Variants in NUBPL observed in about 807,000 individuals in gnomAD.
NUBPL encodes the protein NUBP iron-sulfur cluster assembly factor, mitochondrial, also known as iron-sulfur cluster transfer protein NUBPL.
Under a neutral mutation model 45.7 loss-of-function variants are expected in NUBPL, and 31 were observed. The observed-to-expected ratio is 0.68, with a 90% CI of 0.51 to 0.92. The LOEUF (loss-of-function observed/expected upper bound fraction) is 0.92. Among genes scored for constraint, NUBPL ranks in the 40% least tolerant of loss-of-function variants. The probability of loss-of-function intolerance (pLI) is 0.00; values close to 1 mark genes in which losing one functional copy is unlikely to be tolerated. For synonymous variants in NUBPL, 144 were observed against 140.9 expected (o/e 1.02, Z -0.15); for missense variants, 401 against 398.7 (o/e 1.01, Z -0.05).
chr14:31,810,505 G>T (rs1189787150), intron 7 of NUBPL, among the ~76,000 whole-genome samples: 1 of 152,092 alleles, frequency 6.6e-6, no homozygotes, highest in South Asian at 2.1e-4. Context: ...TTGAGCCTAT[G>T]TATGTCTCTG....
intron 6 of NUBPL, among the ~76,000 whole-genome samples, chr14:31,718,683 T>TA (rs1310189420): frequency 3.3e-5 from 5 of 152,214 alleles, no homozygotes; most frequent in Non-Finnish European, 1.5e-5. Context: ...CACAGTCATA[T>TA]ACCTTTGTGT....
intron 6 of NUBPL, among the ~76,000 whole-genome samples, chr14:31,711,793 G>A (rs966288920): frequency 2.6e-5 from 4 of 152,070 alleles, no homozygotes; most frequent in Admixed American, 6.6e-5. Flanking sequence ...CATTCCTTCC[G>A]GTGGGTTCAT....
intron 4 of NUBPL, among the ~76,000 whole-genome samples, chr14:31,637,553 A>T (rs531754760): frequency 6.6e-6 from 1 of 152,274 alleles, no homozygotes; most frequent in South Asian, 2.1e-4. Flanking sequence ...TGCTGAAAAA[A>T]ATGTATATTC....
chr14:31,635,190 C>G (rs568435096), intron 4 of NUBPL, among the ~76,000 whole-genome samples: 1 of 151,484 alleles, frequency 6.6e-6, no homozygotes, highest in African/African-American at 2.4e-5. Flanking sequence ...ATGGTAATGC[C>G]TAGGTTTTCT....
chr14:31,700,869 G>A (rs922109000), intron 6 of NUBPL, among the ~76,000 whole-genome samples: 4 of 144,694 alleles, frequency 2.8e-5, no homozygotes, highest in East Asian at 4.6e-4. Context: ...GAGCCTCCCC[G>A]ACGGGTGCTG....
intron 4 of NUBPL, among the ~76,000 whole-genome samples, chr14:31,619,641 G>T (rs1332805159): frequency 1.3e-5 from 2 of 152,294 alleles, no homozygotes; most frequent in South Asian, 2.1e-4. Flanking sequence ...TAGGGTTTCT[G>T]CTGAGAGATC....
At chr14:31,561,974 C>T (rs373367452) in intron 1 of NUBPL, 94 bp from the exon 2 acceptor site, 1 of 1,286,436 alleles carries the variant, frequency 7.8e-7, no homozygotes, top group East Asian at 2.5e-5. Flanking sequence ...AGAAAGCCCT[C>T]TTAATTGCAA....
intron 7 of NUBPL, among the ~76,000 whole-genome samples, chr14:31,791,999 A>G (rs1044517552): frequency 5.3e-5 from 8 of 152,224 alleles, no homozygotes; most frequent in African/African-American, 7.2e-5. Flanking sequence ...TATGATTTCT[A>G]TTTTCTTAAA....
At chr14:31,562,351 T>G in intron 2 of NUBPL, 136 bp downstream of exon 2, 1 of 877,472 alleles carries the variant, frequency 1.1e-6, no homozygotes, top group Non-Finnish European at 1.7e-6. Flanking sequence ...GTTTCAGGAG[T>G]TGGTAGCGGG....
chr14:31,829,532 G>A (rs977371925), intron 8 of NUBPL, among the ~76,000 whole-genome samples: 6 of 152,162 alleles, frequency 3.9e-5, no homozygotes, highest in Admixed American at 3.9e-4. Context: ...TTAAGAGCCA[G>A]CCCCACAGCC....
rs1028672763 is a variant in NUBPL at position 31,601,234 on chromosome 14, C to T, written c.382+1855C>T. ...TTGGCTCAGGATTGACTTGGTGATG[C>T]AGGCTCTTTTTTGGTTCCATATGAA... is the stretch of plus-strand genomic sequence containing the variant. On this transcript the variant is annotated intron_variant, in intron 4 of 10. Coordinates refer to ENST00000281081, the MANE Select transcript of NUBPL (RefSeq NM_025152.3). Among the ~76,000 whole-genome samples, 21 of 152,264 alleles carry T rather than the reference C, an allele frequency of 1.4e-4. No homozygotes were observed. The East Asian group carries it at 2.3e-3, about 17-fold the overall frequency.
intron 8 of NUBPL, among the ~76,000 whole-genome samples, chr14:31,840,881 AC>A (rs1313614840): frequency 6.6e-6 from 1 of 152,158 alleles, no homozygotes; most frequent in African/African-American, 2.4e-5. Context: ...CCAAAATGGA[AC>A]CCGAATTATA....
chr14:31,806,639 C>T (rs1215710019), intron 7 of NUBPL, among the ~76,000 whole-genome samples: 2 of 151,994 alleles, frequency 1.3e-5, no homozygotes, highest in South Asian at 4.2e-4. Flanking sequence ...TCTTATTATA[C>T]TTTAAGTTCT....
intron 8 of NUBPL, among the ~76,000 whole-genome samples, chr14:31,840,706 A>G (rs1368473364): frequency 6.6e-6 from 1 of 152,162 alleles, no homozygotes; most frequent in Admixed American, 6.5e-5. Context: ...TGTGGAATCC[A>G]AAAAAAGTTG....
chr14:31,801,410 T>C (rs1243046559), intron 7 of NUBPL, among the ~76,000 whole-genome samples: 1 of 152,192 alleles, frequency 6.6e-6, no homozygotes, highest in Non-Finnish European at 1.5e-5. Context: ...TCCTTCATGG[T>C]TATAATTGTG....
intron 6 of NUBPL, among the ~76,000 whole-genome samples, chr14:31,721,671 T>C (rs964077449): frequency 2.0e-5 from 3 of 152,002 alleles, no homozygotes; most frequent in East Asian, 1.9e-4. Context: ...GTTTGTTATA[T>C]AGGTGAACTC....
At chr14:31,750,365 T>C (rs1243467797) in intron 6 of NUBPL, among the ~76,000 whole-genome samples, 13 of 149,356 alleles carry the variant, frequency 8.7e-5, no homozygotes, top group Admixed American at 8.6e-4. Context: ...TTTTAATTTT[T>C]ATTTTTTTTA....
At chr14:31,854,589 C>A (rs546830798) in intron 10 of NUBPL, among the ~76,000 whole-genome samples, 1 of 152,286 alleles carries the variant, frequency 6.6e-6, no homozygotes, top group African/African-American at 2.4e-5. Context: ...ATGCCATATT[C>A]TCACTTAATA....
chr14:31,771,975 A>G, intron 6 of NUBPL: 1 of 684,782 alleles, frequency 1.5e-6, no homozygotes, highest in Non-Finnish European at 1.8e-6. Context: ...AAGTGCTCTA[A>G]TACCTTAACC....
Sources: gnomAD v4.1 joint callset for allele counts (sites outside exome capture counted in the v4.1 genomes callset) on GRCh38, gnomAD v4.1.1 for gene constraint, MANE v1.5 for transcripts, NCBI Gene and HGNC (gene_info 2026-07-23, HGNC 2026-07-21) for gene names.